Variants in JPH3 observed in about 807,000 individuals in gnomAD.
JPH3 encodes junctophilin 3, also known as junctophilin-3.
JPH3 carries 11 observed loss-of-function variants against 59.6 expected under a neutral mutation model. The ratio of observed to expected loss-of-function variants is 0.18; its 90% CI spans 0.12 to 0.31. The LOEUF is 0.31. Ranked by LOEUF, JPH3 falls within the 10% of genes least tolerant of loss-of-function variation. The pLI, the probability that JPH3 is intolerant of heterozygous loss-of-function variation, is 1.00. For synonymous variants in JPH3, 673 were observed against 483.6 expected, an observed-to-expected ratio of 1.39 and a Z score of -5.14; for missense variants, 1,202 against 1,105.7, an observed-to-expected ratio of 1.09 and a Z score of -1.24.
At chr16:87,624,919 C>T (rs1361940709) in intron 1 of JPH3, among the ~76,000 whole-genome samples, 1 of 152,210 alleles carries the variant, frequency 6.6e-6, no homozygotes, top group East Asian at 1.9e-4. Flanking sequence ...CCTGCCTCAG[C>T]CTCCGAAGTA....
intron 1 of JPH3, among the ~76,000 whole-genome samples, chr16:87,630,516 T>A (rs1156658692): frequency 6.6e-6 from 1 of 152,220 alleles, no homozygotes; most frequent in Non-Finnish European, 1.5e-5. Flanking sequence ...GTTGACAACG[T>A]ACGAGTCCCC....
chr16:87,613,267 T>G (rs1442689278), intron 1 of JPH3, among the ~76,000 whole-genome samples: 1 of 151,376 alleles, frequency 6.6e-6, no homozygotes, highest in Non-Finnish European at 1.5e-5. Flanking sequence ...CGGCTAATTT[T>G]TTGTATTTTG....
At chr16:87,674,386 A>C (rs1321914935) in intron 2 of JPH3, among the ~76,000 whole-genome samples, 1 of 152,256 alleles carries the variant, frequency 6.6e-6, no homozygotes, top group Non-Finnish European at 1.5e-5. Flanking sequence ...TGGTGGGCCA[A>C]CACTTGTGTC....
chr16:87,665,632 C>T (rs917708275), intron 2 of JPH3, among the ~76,000 whole-genome samples: 6 of 152,210 alleles, frequency 3.9e-5, no homozygotes, highest in African/African-American at 1.4e-4. Flanking sequence ...GCCTCACTTG[C>T]AGGTGAGGGT....
At chr16:87,668,960 C>T (rs981460272) in intron 2 of JPH3, among the ~76,000 whole-genome samples, 2 of 152,130 alleles carry the variant, frequency 1.3e-5, no homozygotes, top group South Asian at 2.1e-4. Context: ...TAGCTGCACA[C>T]GCATTACAAA....
chr16:87,654,472 C>G (rs890721471), intron 2 of JPH3: 1 of 152,196 alleles, frequency 6.6e-6, no homozygotes, highest in Non-Finnish European at 1.5e-5. Flanking sequence ...ATGAACACCT[C>G]TTTGTGGTTA....
intron 3 of JPH3, among the ~76,000 whole-genome samples, chr16:87,686,783 T>C (rs1158855636): frequency 6.6e-6 from 1 of 152,202 alleles, no homozygotes; most frequent in African/African-American, 2.4e-5. Flanking sequence ...TTTTAAGTCC[T>C]GAAGCTGCCT....
At chr16:87,653,073 G>C (rs1218501999) in intron 2 of JPH3, among the ~76,000 whole-genome samples, 1 of 152,058 alleles carries the variant, frequency 6.6e-6, no homozygotes, top group Non-Finnish European at 1.5e-5. Context: ...TGCCTGCGGG[G>C]GGGACTAGAA....
At chr16:87,653,078 C>G (rs1276882121) in intron 2 of JPH3, among the ~76,000 whole-genome samples, 1 of 152,002 alleles carries the variant, frequency 6.6e-6, no homozygotes, top group African/African-American at 2.4e-5. Flanking sequence ...GCGGGGGGGA[C>G]TAGAATTCTC....
At chr16:87,690,621 T>C in intron 4 of JPH3, 95 bp downstream of exon 4, 1 of 1,273,834 alleles carries the variant, frequency 7.9e-7, no homozygotes, top group Non-Finnish European at 1.0e-6. Context: ...AGGTCACTGC[T>C]CCCCTGTTCC....
At chr16:87,654,360 T>C (rs1225531588) in intron 2 of JPH3, 1 of 152,242 alleles carries the variant, frequency 6.6e-6, no homozygotes, top group Non-Finnish European at 1.5e-5. Context: ...AGAGTTTTTC[T>C]GTACTGTTGG....
intron 1 of JPH3, among the ~76,000 whole-genome samples, chr16:87,615,197 C>T (rs992410324): frequency 1.3e-5 from 2 of 152,236 alleles, no homozygotes. Flanking sequence ...CCTGTCCATC[C>T]TCCCCGGGGC....
At chr16:87,667,677 G>T (rs2032906470) in intron 2 of JPH3, among the ~76,000 whole-genome samples, 1 of 152,192 alleles carries the variant, frequency 6.6e-6, no homozygotes, top group Non-Finnish European at 1.5e-5. Flanking sequence ...GAAGATGAAG[G>T]GGTTAGATCC....
chr16:87,644,209 C>T, intron 1 of JPH3, 49 bp from the exon 2 acceptor site: 5 of 1,546,370 alleles, frequency 3.2e-6, no homozygotes, highest in East Asian at 2.3e-5. Flanking sequence ...CCAGGCTGTG[C>T]CCCCTCCTCT....
chr16:87,635,883 A>T (rs2031725638), intron 1 of JPH3, among the ~76,000 whole-genome samples: 1 of 152,148 alleles, frequency 6.6e-6, no homozygotes, highest in Non-Finnish European at 1.5e-5. Context: ...CATCCACTGC[A>T]GCCACACCCT....
chr16:87,694,879 C>T (rs2033748312), intron 4 of JPH3: 2 of 216,168 alleles, frequency 9.3e-6, no homozygotes, highest in Admixed American at 1.1e-4. Flanking sequence ...ACGCAGCATG[C>T]ACTGCTCCTG....
chr16:87,682,303 T>A (rs757034923), intron 2 of JPH3, among the ~76,000 whole-genome samples: 32 of 152,190 alleles, frequency 2.1e-4, no homozygotes, highest in Non-Finnish European at 4.3e-4. Context: ...CAGTGTGTGG[T>A]TTCCAGGCTT....
At chr16:87,683,862 TC>T (rs550444401) in intron 2 of JPH3, 202 of 374,614 alleles carry the variant, frequency 5.4e-4, no homozygotes, top group African/African-American at 3.9e-3. Flanking sequence ...TGCCTTGGCC[TC>T]CCAAAGTGCT....
chr16:87,679,975 T>C (rs1421096503), intron 2 of JPH3, among the ~76,000 whole-genome samples: 1 of 152,198 alleles, frequency 6.6e-6, no homozygotes, highest in East Asian at 1.9e-4. Context: ...GACCAGCCTG[T>C]TGGGGGGCCT....
Sources: gnomAD v4.1 joint callset for allele counts (sites outside exome capture counted in the v4.1 genomes callset) on GRCh38, gnomAD v4.1.1 for gene constraint, MANE v1.5 for transcripts, NCBI Gene and HGNC (gene_info 2026-07-23, HGNC 2026-07-21) for gene names.